Variants in LTBP1 observed in about 807,000 individuals in gnomAD.
LTBP1 encodes latent transforming growth factor beta binding protein 1.
LTBP1 carries 129 observed loss-of-function variants against 207.6 expected under a neutral mutation model. The observed-to-expected ratio is 0.62, with a 90% CI of 0.54 to 0.72. LTBP1 has a LOEUF of 0.72. Among genes scored for constraint, LTBP1 ranks in the 30% least tolerant of loss-of-function variants. The pLI is 0.00. For missense variants in LTBP1, 2,281 were observed against 2,217.2 expected, an observed-to-expected ratio of 1.03 and a Z score of -0.58; for synonymous variants, 963 against 833.7, an observed-to-expected ratio of 1.16 and a Z score of -2.67.
intron 2 of LTBP1, among the ~76,000 whole-genome samples, chr2:32,974,140 T>C (rs1681343579): frequency 6.6e-6 from 1 of 152,260 alleles, no homozygotes; most frequent in East Asian, 1.9e-4. Context: ...CTGGATCATA[T>C]GGTAGCTCAA....
intron 3 of LTBP1, among the ~76,000 whole-genome samples, chr2:33,024,122 A>G (rs1227975672): frequency 2.6e-5 from 4 of 152,250 alleles, no homozygotes; most frequent in Non-Finnish European, 5.9e-5. Context: ...ATGAGGGCAC[A>G]GTTCAGGGAG....
chr2:33,240,388 C>A (rs2092268932), intron 9 of LTBP1, among the ~76,000 whole-genome samples: 1 of 152,218 alleles, frequency 6.6e-6, no homozygotes, highest in African/African-American at 2.4e-5. Context: ...CTTCTCTCAT[C>A]CAGATACAAT....
At chr2:33,289,540 T>A (rs1171550353) in intron 19 of LTBP1, among the ~76,000 whole-genome samples, 1 of 151,696 alleles carries the variant, frequency 6.6e-6, no homozygotes, top group African/African-American at 2.4e-5. Flanking sequence ...AAAAAAAAAA[T>A]TTGTGTGTGG....
chr2:33,266,147 C>T (rs1241034718), intron 15 of LTBP1, among the ~76,000 whole-genome samples: 3 of 152,204 alleles, frequency 2.0e-5, no homozygotes, highest in African/African-American at 2.4e-5. Context: ...CCGCTGCCAG[C>T]GCCTGCTCCA....
At position 33,134,316 on chromosome 2, in the gene LTBP1, G is replaced by C. The variant is rs561888127; in HGVS notation, c.1034-477G>C. ...CATGCCTAAAACATTTCCAGGGGTC[G>C]GGCTGCAAATAGTGACTTAATAAGT... On this transcript the variant is annotated intron_variant, in intron 4 of 33. Transcript: ENST00000404816. This position sits in a 1 kb window ranked among gnomAD's most constrained non-coding sequence, Gnocchi z 4.4. The C allele has an allele frequency of 4.9e-6, 2 of 412,328 alleles. No individual in the cohort carries two copies. The highest frequency in any genetic ancestry group is 2.7e-5 in the Admixed American group (1 of 36,428). The allele number at this position is 412,328 out of a possible 1,614,324, so 25.5% of individuals were successfully genotyped here. A position where few individuals can be genotyped will look rare whatever the true frequency, so the allele number is the denominator to read the frequency against.
intron 2 of LTBP1, among the ~76,000 whole-genome samples, chr2:33,013,137 A>C (rs1687901215): frequency 6.6e-6 from 1 of 152,158 alleles, no homozygotes; most frequent in Non-Finnish European, 1.5e-5. Flanking sequence ...TATTAGAATA[A>C]ATTTCTAAAA....
chr2:32,969,225 C>T (rs1680461861), intron 2 of LTBP1, among the ~76,000 whole-genome samples: 1 of 106,374 alleles, frequency 9.4e-6, no homozygotes, highest in Non-Finnish European at 1.9e-5. Flanking sequence ...GGCACCTGGC[C>T]AATTTGTGTG....
At chr2:33,186,737 A>G (rs1224795265) in intron 5 of LTBP1, 119 bp from the exon 6 acceptor site, 10 of 711,474 alleles carry the variant, frequency 1.4e-5, no homozygotes, top group Non-Finnish European at 2.4e-5. Flanking sequence ...ACCATTTCTA[A>G]AGGTCATGGG....
At chr2:33,392,395 C>T (rs1358154668) in intron 32 of LTBP1, among the ~76,000 whole-genome samples, 1 of 152,090 alleles carries the variant, frequency 6.6e-6, no homozygotes, top group African/African-American at 2.4e-5. Flanking sequence ...CCACGTTGGC[C>T]AGGGTGGTCT....
intron 24 of LTBP1, among the ~76,000 whole-genome samples, chr2:33,334,731 T>A (rs2094535310): frequency 6.6e-6 from 1 of 152,062 alleles, no homozygotes; most frequent in South Asian, 2.1e-4. Context: ...TTGTTTTAGT[T>A]TCTCTGGAAT....
At chr2:33,354,479 A>T (rs1307745664) in intron 26 of LTBP1, among the ~76,000 whole-genome samples, 2 of 148,916 alleles carry the variant, frequency 1.3e-5, no homozygotes, top group Non-Finnish European at 3.0e-5. Context: ...TCATTTGTTT[A>T]AAAAAAAAAT....
At chr2:33,133,137 G>T (rs2081920606) in intron 4 of LTBP1, among the ~76,000 whole-genome samples, 1 of 152,086 alleles carries the variant, frequency 6.6e-6, no homozygotes, top group Admixed American at 6.5e-5. Context: ...AACCTCTGGG[G>T]CCCCATTCCA....
chr2:33,026,049 G>A (rs1329904549), intron 3 of LTBP1, among the ~76,000 whole-genome samples: 2 of 151,966 alleles, frequency 1.3e-5, no homozygotes, highest in Admixed American at 1.3e-4. Flanking sequence ...TTTATTTGTA[G>A]TAAAGGAAAA....
At chr2:33,163,481 G>C (rs1177822036) in intron 5 of LTBP1, among the ~76,000 whole-genome samples, 2 of 152,210 alleles carry the variant, frequency 1.3e-5, no homozygotes, top group African/African-American at 2.4e-5. Context: ...AGCACTGGAA[G>C]CAAGAGCGAG....
intron 25 of LTBP1, 104 bp from the exon 26 acceptor site, chr2:33,347,263 G>A (rs2149762982): frequency 9.2e-6 from 12 of 1,310,970 alleles, no homozygotes; most frequent in Middle Eastern, 2.0e-4. Context: ...TCTGGGGATC[G>A]CCTTCTTTTC....
At chr2:33,104,882 G>A (rs909364111) in intron 3 of LTBP1, among the ~76,000 whole-genome samples, 26 of 151,992 alleles carry the variant, frequency 1.7e-4, no homozygotes, top group African/African-American at 4.8e-4. Context: ...GACTCAGCAC[G>A]CCTCATTGCA....
intron 3 of LTBP1, among the ~76,000 whole-genome samples, chr2:33,087,332 T>C (rs2078823111): frequency 6.6e-6 from 1 of 152,030 alleles, no homozygotes; most frequent in Non-Finnish European, 1.5e-5. Flanking sequence ...CCTCCCAAAG[T>C]GTTGGGATTA....
chr2:32,947,387 G>A lies in LTBP1; in HGVS notation c.63G>A (p.Ala21=). 7.2e-7 allele frequency: 1 copy of A among 1,394,574 alleles called. No individual in the cohort carries two copies. The highest frequency in any genetic ancestry group is 1.5e-5 in the South Asian group (1 of 65,896). The allele number at this position is 1,394,574 out of a possible 1,614,324, so 86.4% of individuals were successfully genotyped here. Residue 21 remains alanine, a synonymous_variant, in exon 1 of 34, where the codon GCG becomes GCA. Coordinates refer to ENST00000404816, the MANE Select transcript of LTBP1 (RefSeq NM_206943.4). ...LLWAGLLASS[A]HGRLRRITYV... Reference sequence around the variant, plus strand: ...GGGCAGGGCTCCTCGCGTCCTCGGCGCACGGCCGGCTGCGGAGGATCACCT... The same window carrying A: ...GGGCAGGGCTCCTCGCGTCCTCGGCACACGGCCGGCTGCGGAGGATCACCT...
intron 31 of LTBP1, among the ~76,000 whole-genome samples, chr2:33,372,733 G>A (rs549792729): frequency 6.6e-6 from 1 of 152,062 alleles, no homozygotes; most frequent in Non-Finnish European, 1.5e-5. Context: ...GCATGGTGGC[G>A]CATGCCTGCA....
Sources: gnomAD v4.1 joint callset for allele counts (sites outside exome capture counted in the v4.1 genomes callset) on GRCh38, gnomAD v4.1.1 for gene constraint, Gnocchi (gnomAD v3.1) non-coding constraint, MANE v1.5 for transcripts, NCBI Gene and HGNC (gene_info 2026-07-23, HGNC 2026-07-21) for gene names.